The following PLXNA4 variants were observed in gnomAD, a reference collection of about 807,000 sequenced individuals.
PLXNA4 encodes plexin-A4.
Under a neutral mutation model 191.8 loss-of-function variants are expected in PLXNA4, and 44 were observed. The observed-to-expected ratio is 0.23, with a 90% CI of 0.18 to 0.29. PLXNA4 has a LOEUF of 0.29. Ranked by LOEUF, PLXNA4 falls within the 10% of genes least tolerant of loss-of-function variation. The pLI, the probability that PLXNA4 is intolerant of heterozygous loss-of-function variation, is 1.00. For synonymous variants in PLXNA4, 1,082 were observed against 1,009.5 expected (o/e 1.07, Z -1.36); for missense variants, 1,800 against 2,488.8 (o/e 0.72, Z 5.89).
intron 4 of PLXNA4, among the ~76,000 whole-genome samples, chr7:132,254,666 T>A (rs1008633240): frequency 6.6e-6 from 1 of 152,210 alleles, no homozygotes; most frequent in Non-Finnish European, 1.5e-5. Context: ...GCAGACGTAA[T>A]GCAGAGCTTC....
rs574082172 is a variant in PLXNA4, at chr7:132,127,405, T to G, written c.*3074A>C. 3 of 152,014 alleles carry G rather than the reference T, an allele frequency of 2.0e-5. No homozygotes were observed. The highest frequency in any genetic ancestry group is 2.9e-5 in the Non-Finnish European group (2 of 68,018). 9.4% of individuals were successfully genotyped at this position (152,014 alleles called of 1,614,324 possible). On this transcript the variant is annotated 3_prime_UTR_variant, in exon 32 of 32. Coordinates refer to ENST00000321063, the MANE Select transcript of PLXNA4 (RefSeq NM_020911.2). ...TTTCTCTGGGAGCCCGCAAGCCACATGGACAGCCCCTGGATGTTTGCTCTG... is the reference window on the plus strand; with the variant it reads ...TTTCTCTGGGAGCCCGCAAGCCACAGGGACAGCCCCTGGATGTTTGCTCTG...
chr7:132,585,268 G>A (rs1365334095), intron 2 of PLXNA4, among the ~76,000 whole-genome samples: 1 of 152,162 alleles, frequency 6.6e-6, no homozygotes, highest in Non-Finnish European at 1.5e-5. Flanking sequence ...GTAAACTCAT[G>A]GAAACTAACA....
rs138923867 is a variant in PLXNA4 at position 132,633,473 on chromosome 7, G to C, written c.-87+12455C>G. On this transcript the variant is annotated intron_variant, in intron 2 of 4. Transcript: ENST00000378539. ...AATTTTTGTATTTTTAGTAGAGACAGGGTTTCACCATATTGGCAAGGATGG... is the reference window on the plus strand; with the variant it reads ...AATTTTTGTATTTTTAGTAGAGACACGGTTTCACCATATTGGCAAGGATGG... Among the ~76,000 whole-genome samples, 841 of 152,164 alleles carry C rather than the reference G, an allele frequency of 5.5e-3. 5 individuals are homozygous for C. The highest frequency in any genetic ancestry group is 0.048 in the Middle Eastern group (14 of 294).
rs187460702 is a variant in PLXNA4, at chr7:132,340,949, G to A, written c.1372-42727C>T. ...CTGCCTCAGCCTCCCAAAGTGCTATGATTACAGGCATGAGTCACCACACTT... is the reference window on the plus strand; with the variant it reads ...CTGCCTCAGCCTCCCAAAGTGCTATAATTACAGGCATGAGTCACCACACTT... On this transcript the variant is annotated intron_variant, in intron 3 of 31. Transcript: ENST00000321063. Among the ~76,000 whole-genome samples, 52 of 152,294 alleles carry A rather than the reference G, an allele frequency of 3.4e-4. 1 individual carries two copies. The highest frequency in any genetic ancestry group is 1.2e-3 in the African/African-American group (51 of 41,552).
At chr7:132,521,141 T>G (rs1799161706) in intron 1 of PLXNA4, among the ~76,000 whole-genome samples, 1 of 140,990 alleles carries the variant, frequency 7.1e-6, no homozygotes, top group African/African-American at 2.7e-5. Context: ...AAATCTCCAC[T>G]GCAGCCGGAA....
rs1795642938 is a variant in PLXNA4 at position 132,151,577 on chromosome 7, AAGGAGGAGGAGAAAGG to A, written c.4661-2947_4661-2932del. 1.8e-3 allele frequency among the ~76,000 whole-genome samples: 60 copies of A among 33,684 alleles called. 8 individuals are homozygous for A. The highest frequency in any genetic ancestry group is 8.8e-3 in the East Asian group (9 of 1,018). 22.1% of individuals were successfully genotyped at this position (33,684 alleles called of 152,430 possible). A position where few individuals can be genotyped will look rare whatever the true frequency, so the allele number is the denominator to read the frequency against. ...AGGAGGAGAAAGGAGGAGGAGGAGA[AAGGAGGAGGAGAAAGG>A]AGGAGAGGGAGAGGGAGGGGGAGAA... On this transcript the variant is annotated intron_variant, in intron 25 of 31. Coordinates refer to ENST00000321063, the MANE Select transcript of PLXNA4 (RefSeq NM_020911.2).
At chr7:132,204,793 A>G (rs894373471) in intron 10 of PLXNA4, among the ~76,000 whole-genome samples, 2 of 152,154 alleles carry the variant, frequency 1.3e-5, no homozygotes, top group African/African-American at 2.4e-5. Flanking sequence ...AGATGTTCTA[A>G]TCTTCGATGC....
At chr7:132,325,902 G>A (rs150774646) in intron 3 of PLXNA4, among the ~76,000 whole-genome samples, 1 of 152,312 alleles carries the variant, frequency 6.6e-6, no homozygotes, top group East Asian at 1.9e-4. Flanking sequence ...TTCCAACACA[G>A]CTGAAAGCCA....
At chr7:132,518,297 G>A (rs1379398091) in intron 1 of PLXNA4, among the ~76,000 whole-genome samples, 2 of 152,184 alleles carry the variant, frequency 1.3e-5, no homozygotes, top group Non-Finnish European at 2.9e-5. Context: ...ACCACTAGGG[G>A]GAAAAGTCAA....
chr7:132,618,854 G>C (rs59859462), intron 2 of PLXNA4, among the ~76,000 whole-genome samples: 9,035 of 152,102 alleles, frequency 0.059, 922 homozygotes, highest in African/African-American at 0.2. Context: ...AGATTACTGT[G>C]AAATTAAACA....
chr7:132,255,003 T>C (rs975334407), intron 4 of PLXNA4, among the ~76,000 whole-genome samples: 1 of 152,044 alleles, frequency 6.6e-6, no homozygotes, highest in African/African-American at 2.4e-5. Flanking sequence ...GGGGGTGGCC[T>C]GGGGGAAGGC....
At chr7:132,346,786 C>T (rs1803261252) in intron 3 of PLXNA4, among the ~76,000 whole-genome samples, 1 of 152,176 alleles carries the variant, frequency 6.6e-6, no homozygotes, top group South Asian at 2.1e-4. Context: ...ACACACTTTA[C>T]TAGACATTTG....
chr7:132,476,506 T>C (rs1019738944), intron 3 of PLXNA4, among the ~76,000 whole-genome samples: 1 of 152,246 alleles, frequency 6.6e-6, no homozygotes, highest in Non-Finnish European at 1.5e-5. Flanking sequence ...TGCAAGTCTC[T>C]TGCCTTTTCC....
chr7:132,132,749 G>A (rs1246575979), intron 31 of PLXNA4, among the ~76,000 whole-genome samples: 1 of 152,110 alleles, frequency 6.6e-6, no homozygotes, highest in African/African-American at 2.4e-5. Flanking sequence ...ATCAGAGAAA[G>A]ATGTGGAAAA....
At chr7:132,462,604 A>T (rs112390610) in intron 3 of PLXNA4, among the ~76,000 whole-genome samples, 2,561 of 152,112 alleles carry the variant, frequency 0.017, 80 homozygotes, top group African/African-American at 0.058. Context: ...ATTTAAAAAA[A>T]AATAATTATT....
intron 3 of PLXNA4, among the ~76,000 whole-genome samples, chr7:132,464,797 G>T (rs146254646): frequency 6.6e-6 from 1 of 152,176 alleles, no homozygotes; most frequent in Non-Finnish European, 1.5e-5. Context: ...ATTCTATGGC[G>T]CAAGCTCAGC....
At chr7:132,164,817 G>A (rs73155256) in intron 23 of PLXNA4, among the ~76,000 whole-genome samples, 7,770 of 148,844 alleles carry the variant, frequency 0.052, 302 homozygotes, top group Non-Finnish European at 0.079. Context: ...AAGAGGAAAA[G>A]CAGAGAAATA....
intron 5 of PLXNA4, among the ~76,000 whole-genome samples, chr7:132,233,516 G>A (rs192897436): frequency 6.6e-6 from 1 of 152,322 alleles, no homozygotes; most frequent in South Asian, 2.1e-4. Flanking sequence ...GAAGCCCAAG[G>A]TTCTACTGTA....
chr7:132,524,222 C>G (rs768389152), intron 1 of PLXNA4, among the ~76,000 whole-genome samples: 1 of 152,120 alleles, frequency 6.6e-6, no homozygotes, highest in African/African-American at 2.4e-5. Context: ...GCTGGAAGAA[C>G]GGGATGTCAA....
Sources: allele counts gnomAD v4.1 joint callset (sites outside exome capture counted in the v4.1 genomes callset), GRCh38; gene constraint gnomAD v4.1.1; transcripts MANE v1.5; gene names NCBI Gene and HGNC (gene_info 2026-07-23, HGNC 2026-07-21).